NOP53: variants seen among roughly 807,000 people sequenced by gnomAD.
NOP53 encodes the protein ribosome biogenesis protein NOP53.
In NOP53, 40 loss-of-function variants were observed where a neutral mutation model predicts 61.0. The ratio of observed to expected loss-of-function variants is 0.66; its 90% confidence interval spans 0.51 to 0.85. The LOEUF is 0.85. NOP53 is among the 40% of genes least tolerant of loss of function. NOP53 has a pLI of 0.00. For synonymous variants in NOP53, 308 were observed against 289.5 expected (o/e 1.06, Z -0.65); for missense variants, 689 against 652.9 (o/e 1.06, Z -0.60).
chr19:47,748,298 A>G (rs1001426270), intron 2 of NOP53, among the ~76,000 whole-genome samples: 1 of 151,900 alleles, frequency 6.6e-6, no homozygotes, highest in Non-Finnish European at 1.5e-5. Flanking sequence ...TGCTTGCCTT[A>G]AGTTGCTAGA....
intron 2 of NOP53, among the ~76,000 whole-genome samples, chr19:47,748,700 G>A (rs1347345143): frequency 6.6e-6 from 1 of 152,128 alleles, no homozygotes; most frequent in Non-Finnish European, 1.5e-5. Context: ...TTGGAGACCA[G>A]CCTGGGCAGC....
intron 2 of NOP53, among the ~76,000 whole-genome samples, chr19:47,749,290 G>A (rs1029848775): frequency 1.3e-5 from 2 of 152,184 alleles, no homozygotes; most frequent in South Asian, 2.1e-4. Flanking sequence ...AGTTACCGGC[G>A]TGCTTTGGCG....
intron 10 of NOP53, 184 bp from the exon 11 acceptor site, chr19:47,756,344 T>C (rs764677409): frequency 6.3e-5 from 38 of 599,780 alleles, no homozygotes; most frequent in Non-Finnish European, 1.0e-4. Flanking sequence ...GAGATGGCCA[T>C]AGGTTGGTGG....
At chr19:47,750,420 A>G (rs1967110576) in intron 3 of NOP53, 134 bp downstream of exon 3, 1 of 634,400 alleles carries the variant, frequency 1.6e-6, no homozygotes, top group Non-Finnish European at 2.9e-6. Context: ...CGGAGTGCAG[A>G]TTAGAGGGAG....
Position 47,754,741 on chromosome 19 carries a change from G to A in NOP53, c.903G>A (p.Leu301=). The change falls in exon 8 of 13, where the codon CTG becomes CTA. Residue 301 remains leucine, a synonymous_variant. Transcript: ENST00000246802. This position sits in a 1 kb window ranked among gnomAD's most constrained non-coding sequence, Gnocchi z 4.2. ...CATTCCAGGAGCTGTGCGAGGGGCT[G>A]CTGGAGGAGTCGGATGGTGAGGGGG... is the stretch of plus-strand genomic sequence containing the variant. ...ESTFQELCEG[L]LEESDGEGEP... The A allele has an allele frequency of 1.3e-6, 2 of 1,528,260 alleles. No individual in the cohort carries two copies. Among genetic ancestry groups the A allele is most frequent in the East Asian group, 2.5e-5 (1 of 40,726 alleles). The allele number at this position is 1,528,260 out of a possible 1,614,324, so 94.7% of individuals were successfully genotyped here.
intron 3 of NOP53, 138 bp downstream of exon 3, chr19:47,750,424 G>C (rs925363836): frequency 1.6e-6 from 1 of 629,326 alleles, no homozygotes; most frequent in African/African-American, 1.8e-5. Flanking sequence ...GTGCAGATTA[G>C]AGGGAGGGAG....
chr19:47,751,231 C>T (rs1967121453), intron 4 of NOP53, 124 bp downstream of exon 4: 3 of 933,136 alleles, frequency 3.2e-6, no homozygotes, highest in South Asian at 1.5e-5. Flanking sequence ...GGTGACCTCC[C>T]AGCAGAGTCG....
At position 47,750,972 on chromosome 19, in the gene NOP53, C is replaced by T. The variant is rs1283406217; in HGVS notation, c.463C>T (p.Leu155=). 1 of 1,598,568 alleles carries T rather than the reference C, an allele frequency of 6.3e-7. No homozygotes were observed. Among genetic ancestry groups the T allele is most frequent in the Non-Finnish European group, 8.5e-7 (1 of 1,173,762 alleles). The part of the protein sequence containing the change: ...LRRKEQLWEK[L]AKQGELPREV... The stretch of plus-strand genomic sequence containing the variant: ...GCGGAAGGAGCAGCTATGGGAGAAG[C>T]TGGCCAAGCAGGGCGAGCTGCCCCG... The change falls in exon 4 of 13, where the codon CTG becomes TTG. Residue 155 remains leucine, a synonymous_variant. Coordinates refer to ENST00000246802, the MANE Select transcript of NOP53 (RefSeq NM_015710.5).
intron 2 of NOP53, among the ~76,000 whole-genome samples, chr19:47,748,510 T>A (rs1280574493): frequency 2.0e-5 from 3 of 152,130 alleles, no homozygotes; most frequent in African/African-American, 7.2e-5. Context: ...GGGTATGTTT[T>A]AATGAAAATG....
At chr19:47,750,660 G>T (rs1248000199) in intron 3 of NOP53, among the ~76,000 whole-genome samples, 2 of 152,136 alleles carry the variant, frequency 1.3e-5, no homozygotes, top group Non-Finnish European at 2.9e-5. Flanking sequence ...TGACGTGGTG[G>T]TGTGAGGTGC....
At chr19:47,747,185 A>C (rs1967075295) in intron 2 of NOP53, among the ~76,000 whole-genome samples, 154 bp downstream of exon 2, 1 of 152,178 alleles carries the variant, frequency 6.6e-6, no homozygotes. Flanking sequence ...TCAAATGGGC[A>C]GAAAGCAAGC....
chr19:47,750,475 G>T (rs1046685715), intron 3 of NOP53, among the ~76,000 whole-genome samples, 189 bp downstream of exon 3: 1 of 152,050 alleles, frequency 6.6e-6, no homozygotes, highest in Non-Finnish European at 1.5e-5. Context: ...GTGAGGAGGG[G>T]CCTGGACCCA....
In NOP53 at chr19:47,757,005, G is replaced by GC; in HGVS notation, c.*1dup. ...TCCTTTCCTCTGTCCCCAGGTTGTA[G>GC]CTGCCATCAGATGCCGGAGACTCGC... is the stretch of plus-strand genomic sequence containing the variant. On this transcript the variant is annotated 3_prime_UTR_variant, in exon 13 of 13. Transcript: ENST00000246802. 1 of 1,614,144 alleles carries GC rather than the reference G, an allele frequency of 6.2e-7. No individual in the cohort carries two copies. Among genetic ancestry groups the GC allele is most frequent in the Non-Finnish European group, 8.5e-7 (1 of 1,179,972 alleles).
In NOP53 at chr19:47,750,912, C is replaced by T. The variant is rs1343554548; in HGVS notation, c.403C>T (p.Leu135Phe). 1.9e-6 allele frequency: 3 copies of T among 1,586,448 alleles called. No individual in the cohort carries two copies. The highest frequency in any genetic ancestry group is 2.6e-6 in the Non-Finnish European group (3 of 1,168,026). Residue 135 changes from leucine to phenylalanine, a missense_variant, in exon 4 of 13, where the codon CTC becomes TTC. Leu to Phe is a conservative substitution (Grantham distance 22). Coordinates refer to ENST00000246802, the MANE Select transcript of NOP53 (RefSeq NM_015710.5). ...GTGCCCCCTCTCCCCGACCAGCGTC[C>T]TCGCCCACCAGGTCCCCAACGCCAA... is the stretch of plus-strand genomic sequence containing the variant. ...TSKVPAPKDV[L>F]AHQVPNAKKL... is the part of the protein sequence containing the mutation.
At chr19:47,756,812 C>A in intron 12 of NOP53, 68 bp downstream of exon 12, 1 of 1,561,566 alleles carries the variant, frequency 6.4e-7, no homozygotes, top group Non-Finnish European at 8.8e-7. Context: ...CACCGAGTCC[C>A]AGGGCCCCTT....
In NOP53 at chr19:47,745,593, C is replaced by G. The variant is rs867575407; in HGVS notation, c.34C>G (p.Arg12Gly). Residue 12 changes from arginine to glycine, a missense_variant, in exon 1 of 13, where the codon CGC (arginine) becomes GGC (glycine). Arg to Gly is a moderately radical substitution (Grantham distance 125). Transcript: ENST00000246802. ...AAGGSGVGGKRSSKSDADSGF... is the reference protein window; with the variant it reads ...AAGGSGVGGKGSSKSDADSGF... ...AGGAGGCAGTGGCGTTGGTGGGAAG[C>G]GCAGCTCGAAAAGCGATGCCGATTC... 1.2e-6 allele frequency: 2 copies of G among 1,613,976 alleles called. No individual in the cohort carries two copies. Among genetic ancestry groups the G allele is most frequent in the Non-Finnish European group, 8.5e-7 (1 of 1,179,996 alleles).
At chr19:47,749,319 G>T (rs1967098141) in intron 2 of NOP53, among the ~76,000 whole-genome samples, 1 of 152,170 alleles carries the variant, frequency 6.6e-6, no homozygotes, top group African/African-American at 2.4e-5. Flanking sequence ...GCCTCTTTGG[G>T]GGGCAGGAAA....
intron 5 of NOP53, 63 bp from the exon 6 acceptor site, chr19:47,752,449 G>A (rs946333710): frequency 4.9e-6 from 5 of 1,011,970 alleles, no homozygotes; most frequent in Admixed American, 1.7e-5. Flanking sequence ...CCCCATGGCT[G>A]TGTCCTGGGT....
intron 10 of NOP53, 104 bp downstream of exon 10, chr19:47,755,926 C>T (rs1400049055): frequency 1.0e-6 from 1 of 957,926 alleles, no homozygotes; most frequent in Non-Finnish European, 1.6e-6. Context: ...TGCCCCTGGG[C>T]TGGGCCAGTG....
Sources: allele counts gnomAD v4.1 joint callset (sites outside exome capture counted in the v4.1 genomes callset), GRCh38; gene constraint gnomAD v4.1.1; non-coding constraint Gnocchi (gnomAD v3.1); transcripts MANE v1.5; gene names NCBI Gene and HGNC (gene_info 2026-07-23, HGNC 2026-07-21).